Variants in UBE2D2 observed in about 807,000 individuals in gnomAD.
UBE2D2 encodes the protein ubiquitin conjugating enzyme E2 D2.
In UBE2D2, 2 loss-of-function variants were observed where a neutral mutation model predicts 24.2. That is an observed-to-expected ratio of 0.08 (90% CI 0.03 to 0.26). The LOEUF is 0.26. Ranked by LOEUF, UBE2D2 falls within the 10% of genes least tolerant of loss-of-function variation. The pLI is 1.00. For missense variants in UBE2D2, 44 were observed against 177.6 expected, an observed-to-expected ratio of 0.25 and a Z score of 4.28; for synonymous variants, 58 against 56.5, an observed-to-expected ratio of 1.03 and a Z score of -0.12.
At chr5:139,586,724 C>T (rs892571643) in intron 1 of UBE2D2, among the ~76,000 whole-genome samples, 3 of 151,754 alleles carry the variant, frequency 2.0e-5, no homozygotes, top group Non-Finnish European at 4.4e-5. Context: ...AAGATCTCGC[C>T]ACTGCACTCC....
intron 1 of UBE2D2, among the ~76,000 whole-genome samples, chr5:139,595,901 T>G (rs1753949419): frequency 6.9e-6 from 1 of 144,488 alleles, no homozygotes; most frequent in South Asian, 2.2e-4. Context: ...TGTTTTTTTT[T>G]TTTTTTTTTT....
At chr5:139,579,979 A>G (rs185398837) in intron 1 of UBE2D2, among the ~76,000 whole-genome samples, 7 of 151,730 alleles carry the variant, frequency 4.6e-5, no homozygotes, top group Admixed American at 4.6e-4. Flanking sequence ...CCTGGGAGGC[A>G]GAGTTGCAGT....
chr5:139,623,337 C>T (rs1400300097), intron 5 of UBE2D2, 31 bp from the exon 6 acceptor site: 5 of 1,528,738 alleles, frequency 3.3e-6, no homozygotes, highest in Middle Eastern at 1.7e-4. Flanking sequence ...CTTTGATCCT[C>T]TGCTAATTTA....
chr5:139,617,370 ATT>A (rs1292231182), intron 5 of UBE2D2, among the ~76,000 whole-genome samples: 5 of 102,544 alleles, frequency 4.9e-5, no homozygotes, highest in Admixed American at 2.3e-4. Context: ...GTGGTGTGTG[ATT>A]TTTTTTTTTT....
chr5:139,529,652 TG>T (rs1381935021), intron 1 of UBE2D2, among the ~76,000 whole-genome samples: 1 of 151,754 alleles, frequency 6.6e-6, no homozygotes, highest in Non-Finnish European at 1.5e-5. Context: ...TAAAAAAAAA[TG>T]TAACATTAGG....
At chr5:139,550,896 T>TGA (rs1422015690) in intron 1 of UBE2D2, among the ~76,000 whole-genome samples, 3 of 152,178 alleles carry the variant, frequency 2.0e-5, no homozygotes, top group African/African-American at 7.2e-5. Flanking sequence ...GCACTCATCA[T>TGA]GAGAGTCTGG....
chr5:139,617,864 T>G (rs1013735120), intron 5 of UBE2D2, among the ~76,000 whole-genome samples: 12 of 152,164 alleles, frequency 7.9e-5, no homozygotes, highest in African/African-American at 2.9e-4. Context: ...TGGTTCCTTG[T>G]AAGTACTCCA....
At chr5:139,592,596 C>CTTTTTT (rs34558950) in intron 1 of UBE2D2, among the ~76,000 whole-genome samples, 5 of 104,908 alleles carry the variant, frequency 4.8e-5, no homozygotes, top group African/African-American at 1.1e-4. Flanking sequence ...GTTCAGTAAT[C>CTTTTTT]TTTTTTTTTT....
chr5:139,614,715 G>A lies in UBE2D2; in HGVS notation c.139G>A (p.Gly47Ser). 6.2e-7 allele frequency: 1 copy of A among 1,613,838 alleles called. No individual in the cohort carries two copies. The highest frequency in any genetic ancestry group is 8.5e-7 in the Non-Finnish European group (1 of 1,179,896). Residue 47 changes from glycine (G) to serine (S), a missense_variant, in exon 4 of 7, where the codon GGT becomes AGT. By Grantham distance (56) the Gly-to-Ser change is moderately conservative. Coordinates refer to ENST00000398733, the MANE Select transcript of UBE2D2 (RefSeq NM_003339.3). The part of the protein sequence containing the change: ...IMGPNDSPYQ[G>S]GVFFLTIHFP... The stretch of plus-strand genomic sequence containing the variant: ...TCAACAGAATGACAGTCCCTATCAG[G>A]GTGGAGTATTTTTCTTGACAATTCA...
chr5:139,594,514 A>G (rs767290262), intron 1 of UBE2D2, among the ~76,000 whole-genome samples: 5 of 151,692 alleles, frequency 3.3e-5, no homozygotes, highest in South Asian at 2.1e-4. Context: ...CACGGGTTCT[A>G]GCGATTCTCC....
At chr5:139,616,581 TTAAC>T (rs1754426104) in intron 5 of UBE2D2, among the ~76,000 whole-genome samples, 1 of 152,206 alleles carries the variant, frequency 6.6e-6, no homozygotes, top group Non-Finnish European at 1.5e-5. Context: ...ACCTTTTTAA[TTAAC>T]AAAGATATTT....
At chr5:139,585,534 C>T (rs1437889346) in intron 1 of UBE2D2, among the ~76,000 whole-genome samples, 1 of 152,004 alleles carries the variant, frequency 6.6e-6, no homozygotes, top group East Asian at 1.9e-4. Context: ...GGCCTATAGA[C>T]TTTCTGTTTC....
At chr5:139,560,579 G>T (rs532079553), upstream of UBE2D2, among the ~76,000 whole-genome samples, 2 of 152,324 alleles carry the variant, frequency 1.3e-5, no homozygotes, top group African/African-American at 4.8e-5. Flanking sequence ...TGATGCGCCA[G>T]CCTCAGCCTC....
chr5:139,568,122 C>G (rs962672806), intron 1 of UBE2D2, among the ~76,000 whole-genome samples: 3 of 151,242 alleles, frequency 2.0e-5, no homozygotes, highest in Non-Finnish European at 4.4e-5. Flanking sequence ...GGCGGGCCGA[C>G]CACCTGAGGT....
intron 2 of UBE2D2, among the ~76,000 whole-genome samples, chr5:139,607,738 G>C (rs1754228535): frequency 6.6e-6 from 1 of 152,212 alleles, no homozygotes; most frequent in Non-Finnish European, 1.5e-5. Context: ...ATGGTACAGT[G>C]GCTCATGCCT....
At position 139,535,291 on chromosome 5, in the gene UBE2D2, A is replaced by G. The variant is rs531678618; in HGVS notation, c.-64+8679A>G. ...GAAATCCCGTCTCTACTAAAAATAC[A>G]AAAAAAAAAAAAAAAAGAGACTTGC... On this transcript the variant is annotated intron_variant, in intron 1 of 6. Coordinates refer to the UBE2D2 transcript ENST00000511725. 4.2e-3 allele frequency among the ~76,000 whole-genome samples: 505 copies of G among 121,530 alleles called. 5 individuals are homozygous for G. The highest frequency in any genetic ancestry group is 0.013 in the African/African-American group (420 of 31,120). The allele number at this position is 121,530 out of a possible 152,430, so 79.7% of individuals were successfully genotyped here.
chr5:139,552,930 C>G (rs1430653957), intron 1 of UBE2D2, among the ~76,000 whole-genome samples: 1 of 152,122 alleles, frequency 6.6e-6, no homozygotes, highest in Non-Finnish European at 1.5e-5. Context: ...GATCCACCTG[C>G]CTTGGCCTCC....
intron 1 of UBE2D2, among the ~76,000 whole-genome samples, chr5:139,573,895 C>T (rs534054754): frequency 3.9e-4 from 59 of 151,958 alleles, no homozygotes; most frequent in African/African-American, 1.4e-3. Flanking sequence ...GGCTTGAACT[C>T]GGGAAGCGGA....
intron 1 of UBE2D2, among the ~76,000 whole-genome samples, chr5:139,529,443 C>A (rs949869663): frequency 6.6e-6 from 1 of 152,118 alleles, no homozygotes; most frequent in Non-Finnish European, 1.5e-5. Context: ...AGTTACACAG[C>A]AGAAAATAAG....
Sources: allele counts gnomAD v4.1 joint callset (sites outside exome capture counted in the v4.1 genomes callset), GRCh38; gene constraint gnomAD v4.1.1; transcripts MANE v1.5; gene names NCBI Gene and HGNC (gene_info 2026-07-23, HGNC 2026-07-21).